Variants in PHKB observed in about 807,000 individuals in gnomAD.
PHKB encodes the protein phosphorylase b kinase regulatory subunit beta.
Under a neutral mutation model 152.1 loss-of-function variants are expected in PHKB, and 122 were observed. The observed-to-expected ratio is 0.80, with a 90% CI of 0.69 to 0.93. The LOEUF is 0.93. Among genes scored for constraint, PHKB ranks in the 40% least tolerant of loss-of-function variants. The probability of loss-of-function intolerance (pLI) is 0.00; values close to 1 mark genes in which losing one functional copy is unlikely to be tolerated. For missense variants in PHKB, 1,304 were observed against 1,328.4 expected (o/e 0.98, Z 0.29); for synonymous variants, 436 against 464.9 (o/e 0.94, Z 0.80).
intron 7 of PHKB, among the ~76,000 whole-genome samples, chr16:47,570,651 G>T: frequency 6.7e-6 from 1 of 148,620 alleles, no homozygotes. Context: ...TTTTAATATC[G>T]ACCTCTCTAG....
chr16:47,693,330 C>T (rs1202552204), intron 27 of PHKB, 48 bp from the exon 28 acceptor site: 2 of 1,603,974 alleles, frequency 1.2e-6, no homozygotes, highest in African/African-American at 1.3e-5. Flanking sequence ...TGCTGTCTAC[C>T]AGAACAAGCT....
chr16:47,619,100 T>C (rs1361036023), intron 14 of PHKB: 2 of 152,244 alleles, frequency 1.3e-5, no homozygotes, highest in Non-Finnish European at 2.9e-5. Context: ...AACATTTTTT[T>C]CTGAGACAAA....
chr16:47,692,480 G>A (rs889830908), intron 27 of PHKB, among the ~76,000 whole-genome samples: 4 of 152,030 alleles, frequency 2.6e-5, no homozygotes, highest in Admixed American at 1.3e-4. Flanking sequence ...ACCAGACATG[G>A]TAGTGCATGT....
At chr16:47,485,630 AT>A (rs1970036166) in intron 1 of PHKB, among the ~76,000 whole-genome samples, 1 of 152,154 alleles carries the variant, frequency 6.6e-6, no homozygotes, top group Admixed American at 6.6e-5. Context: ...GTTCGTATTT[AT>A]TTATCTAGAG....
Position 47,641,026 on chromosome 16 carries a change from G to T in PHKB, c.1459-9G>T, listed in dbSNP as rs201995780. The T allele has an allele frequency of 3.5e-4, 567 of 1,612,608 alleles. No individual in the cohort carries two copies. The highest frequency in any genetic ancestry group is 2.6e-3 in the African/African-American group (198 of 74,986). On this transcript the variant is annotated splice_polypyrimidine_tract_variant and intron_variant, in intron 14 of 30. Coordinates refer to ENST00000323584, the MANE Select transcript of PHKB (RefSeq NM_000293.3). ...AAATGTTTTCCCCCTCCCTTATTCT[G>T]CATTACAGGGCCCACTGGAAAATGA...
chr16:47,502,238 A>G (rs1255536141), intron 3 of PHKB, among the ~76,000 whole-genome samples: 4 of 152,178 alleles, frequency 2.6e-5, no homozygotes, highest in Non-Finnish European at 5.9e-5. Flanking sequence ...GGTGATTCTC[A>G]TCCACCTTTG....
intron 6 of PHKB, among the ~76,000 whole-genome samples, chr16:47,538,123 G>C (rs1375377898): frequency 6.6e-6 from 1 of 151,990 alleles, no homozygotes; most frequent in Non-Finnish European, 1.5e-5. Context: ...TTGAACTTCT[G>C]GGCTCAAGTT....
chr16:47,552,537 G>A (rs900532675), intron 7 of PHKB, among the ~76,000 whole-genome samples: 1 of 152,032 alleles, frequency 6.6e-6, no homozygotes, highest in African/African-American at 2.4e-5. Context: ...TGTTGAGGCC[G>A]TGGTGGCTCA....
intron 6 of PHKB, among the ~76,000 whole-genome samples, chr16:47,523,357 G>T (rs1054726804): frequency 6.6e-6 from 1 of 152,176 alleles, no homozygotes; most frequent in Non-Finnish European, 1.5e-5. Flanking sequence ...TGTGAATTAT[G>T]TATTCTTTGT....
Position 47,699,475 on chromosome 16 carries a change from G to A in PHKB, c.*109G>A. ...TAATATACGAACTGAGCATGCTGGG[G>A]AGGTGAATGCCACATCCTTGGCGGG... is the stretch of plus-strand genomic sequence containing the variant. On this transcript the variant is annotated 3_prime_UTR_variant, in exon 31 of 31. Transcript: ENST00000323584. 5 of 1,255,596 alleles carry A rather than the reference G, an allele frequency of 4.0e-6. No homozygotes were observed. Among genetic ancestry groups the A allele is most frequent in the Non-Finnish European group, 5.9e-6 (5 of 854,104 alleles). The allele number at this position is 1,255,596 out of a possible 1,614,324, so 77.8% of individuals were successfully genotyped here.
Position 47,700,950 on chromosome 16 carries a change from T to A in PHKB, c.*1584T>A, listed in dbSNP as rs1179885076. The A allele has an allele frequency of 6.6e-6, 1 of 152,152 alleles. No individual in the cohort carries two copies. The highest frequency in any genetic ancestry group is 1.5e-5 in the Non-Finnish European group (1 of 68,026). 9.4% of individuals were successfully genotyped at this position (152,152 alleles called of 1,614,324 possible). On this transcript the variant is annotated 3_prime_UTR_variant, in exon 31 of 31. Transcript: ENST00000323584. Reference sequence around the variant, plus strand: ...TCTTGCATAAGAAATTGTATGGATATTAGTTGGCAAAATTGAAATGAATGA... The same window carrying A: ...TCTTGCATAAGAAATTGTATGGATAATAGTTGGCAAAATTGAAATGAATGA...
At chr16:47,524,957 T>C (rs1483554466) in intron 6 of PHKB, among the ~76,000 whole-genome samples, 1 of 152,212 alleles carries the variant, frequency 6.6e-6, no homozygotes, top group African/African-American at 2.4e-5. Flanking sequence ...TTAAAAATTC[T>C]TTTATGGGAA....
intron 28 of PHKB, among the ~76,000 whole-genome samples, 173 bp from the exon 29 acceptor site, chr16:47,696,208 G>A (rs1193586153): frequency 2.0e-5 from 3 of 152,202 alleles, no homozygotes; most frequent in Admixed American, 1.3e-4. Context: ...ACAATAGTCA[G>A]CTGGTTGGCT....
chr16:47,647,449 C>T (rs1373147239), intron 16 of PHKB, among the ~76,000 whole-genome samples: 1 of 151,440 alleles, frequency 6.6e-6, no homozygotes, highest in Non-Finnish European at 1.5e-5. Context: ...AATATTTCTT[C>T]AATCATTTCA....
intron 6 of PHKB, among the ~76,000 whole-genome samples, chr16:47,536,565 T>C (rs1970956103): frequency 3.3e-5 from 5 of 152,250 alleles, no homozygotes; most frequent in Admixed American, 1.3e-4. Flanking sequence ...AAAGTAATAC[T>C]GTTTTGATAC....
At chr16:47,500,856 T>A (rs1419132707) in intron 3 of PHKB, among the ~76,000 whole-genome samples, 1 of 152,230 alleles carries the variant, frequency 6.6e-6, no homozygotes, top group Non-Finnish European at 1.5e-5. Flanking sequence ...ATTAATTTCC[T>A]GAAAGCGATC....
chr16:47,496,827 T>C (rs1970240401), intron 1 of PHKB, among the ~76,000 whole-genome samples: 1 of 152,218 alleles, frequency 6.6e-6, no homozygotes, highest in South Asian at 2.1e-4. Flanking sequence ...AGAAATGATC[T>C]GCTTATAGTA....
At position 47,684,959 on chromosome 16, in the gene PHKB, G is replaced by A. The variant is rs1244580408; in HGVS notation, c.2631-4082G>A. On this transcript the variant is annotated intron_variant, in intron 26 of 30. Transcript: ENST00000323584. ...GTATCTACCTTCTCATTTGCTTGTT[G>A]GCGAGTAGAGCATCTCTGGCTCTTA... Among the ~76,000 whole-genome samples, 7 of 152,116 alleles carry A rather than the reference G, an allele frequency of 4.6e-5. No individual in the cohort carries two copies. In the East Asian group the frequency reaches 1.3e-3, roughly 29 times the overall value.
chr16:47,694,780 CT>C (rs1374345335), intron 28 of PHKB, among the ~76,000 whole-genome samples: 2 of 152,142 alleles, frequency 1.3e-5, no homozygotes, highest in African/African-American at 4.8e-5. Flanking sequence ...TCCTGTCTGC[CT>C]ACCTGGGCAG....
Sources: gnomAD v4.1 joint callset for allele counts (sites outside exome capture counted in the v4.1 genomes callset) on GRCh38, gnomAD v4.1.1 for gene constraint, MANE v1.5 for transcripts, NCBI Gene and HGNC (gene_info 2026-07-23, HGNC 2026-07-21) for gene names.